The following AGT variants were observed in gnomAD, a reference collection of about 807,000 sequenced individuals.
AGT encodes alpha-1 antiproteinase, antitrypsin.
AGT carries 26 observed loss-of-function variants against 28.1 expected under a neutral mutation model. That is an observed-to-expected ratio of 0.92 (90% confidence interval 0.68 to 1.28). AGT has a LOEUF of 1.28. Among genes scored for constraint, AGT ranks in the 50% most tolerant of loss-of-function variants. The pLI is 0.00. For synonymous variants in AGT, 259 were observed against 259.6 expected, an observed-to-expected ratio of 1.00 and a Z score of 0.02; for missense variants, 596 against 592.3, an observed-to-expected ratio of 1.01 and a Z score of -0.06.
At position 230,703,308 on chromosome 1, in the gene AGT, C is replaced by CA. The variant is rs387906578; in HGVS notation, c.1263dup (p.Glu422Ter). 2.6e-5 allele frequency: 42 copies of CA among 1,613,502 alleles called. No individual in the cohort carries two copies. The highest frequency in any genetic ancestry group is 5.0e-5 in the Admixed American group (3 of 59,956). On this transcript the variant is annotated frameshift_variant, in exon 5 of 5. Transcript: ENST00000366667. LOFTEE classifies it low-confidence loss of function (END_TRUNC). ...GGCTCTCTCTCATCCGCTTCAAGCT[C>CA]AAAAAAAATGCTGTTCAGCACCTGC...
At chr1:230,711,253 CACACAGAGGGAAGACCATGTGGGG>C (rs1053378965) in intron 1 of AGT, among the ~76,000 whole-genome samples, 21 of 152,042 alleles carry the variant, frequency 1.4e-4, no homozygotes, top group African/African-American at 4.1e-4. Context: ...GACATGGACA[CACACAGAGGGAAGACCATGTGGGG>C]ACACAGAGGG....
At position 230,706,009 on chromosome 1, in the gene AGT, C is replaced by T; in HGVS notation, c.1021G>A (p.Ala341Thr). 1 of 1,614,148 alleles carries T rather than the reference C, an allele frequency of 6.2e-7. No individual in the cohort carries two copies. Among genetic ancestry groups the T allele is most frequent in the South Asian group, 1.1e-5 (1 of 91,078 alleles). The change falls in exon 3 of 5, where the codon GCC becomes ACC. Residue 341 changes from alanine (A) to threonine (T), a missense_variant. Transcript: ENST00000366667. ...CCCTCCACCTTGTCCAGGTCAGAGG[C>T]ATAGTGAGGCTGGATCAGCAGCAGG... ...ACLLLIQPHY[A>T]SDLDKVEGLT... is the part of the protein sequence containing the mutation.
At chr1:230,728,532 C>T (rs1663993205) in intron 1 of AGT, among the ~76,000 whole-genome samples, 1 of 152,216 alleles carries the variant, frequency 6.6e-6, no homozygotes, top group African/African-American at 2.4e-5. Flanking sequence ...ATAATTTGCT[C>T]ACCGTTATAA....
At chr1:230,738,769 A>G (rs1664193699) in intron 1 of AGT, among the ~76,000 whole-genome samples, 2 of 152,258 alleles carry the variant, frequency 1.3e-5, no homozygotes, top group Non-Finnish European at 2.9e-5. Context: ...CTTTACCACA[A>G]AAAGATGGGA....
At position 230,710,906 on chromosome 1, in the gene AGT, T is replaced by G; in HGVS notation, c.-30-53A>C. On this transcript the variant is annotated intron_variant, in intron 1 of 4. Coordinates refer to ENST00000366667, the MANE Select transcript of AGT (RefSeq NM_001384479.1). The stretch of plus-strand genomic sequence containing the variant: ...AGGTGGTTATTAACTGACCTTTAAG[T>G]GCCATCTAACCAGATCTTTCATTGT... 12 of 1,585,772 alleles carry G rather than the reference T, an allele frequency of 7.6e-6. 1 individual carries two copies. In the South Asian group the frequency reaches 1.3e-4, roughly 18 times the overall value.
intron 1 of AGT, among the ~76,000 whole-genome samples, chr1:230,743,554 C>T (rs1308728254): frequency 6.6e-6 from 1 of 152,226 alleles, no homozygotes; most frequent in Non-Finnish European, 1.5e-5. Flanking sequence ...CACTCTCCAC[C>T]CTCCTCGCCA....
At chr1:230,719,947 A>G (rs1380930099) in intron 1 of AGT, among the ~76,000 whole-genome samples, 1 of 152,182 alleles carries the variant, frequency 6.6e-6, no homozygotes, top group Non-Finnish European at 1.5e-5. Flanking sequence ...AAAGCTTTCT[A>G]TTGCAACAGG....
At chr1:230,739,246 T>C (rs946755078) in intron 1 of AGT, among the ~76,000 whole-genome samples, 4 of 151,000 alleles carry the variant, frequency 2.6e-5, no homozygotes, top group Non-Finnish European at 5.9e-5. Context: ...TCCCAGCTGC[T>C]CAGGAGGCTG....
At chr1:230,732,380 C>T (rs1664084658) in intron 1 of AGT, among the ~76,000 whole-genome samples, 1 of 151,990 alleles carries the variant, frequency 6.6e-6, no homozygotes, top group African/African-American at 2.4e-5. Context: ...AGGTAGGTCT[C>T]ACAACTCTCT....
upstream of AGT, among the ~76,000 whole-genome samples, chr1:230,716,650 C>T (rs1160963677): frequency 6.6e-6 from 1 of 152,210 alleles, no homozygotes; most frequent in African/African-American, 2.4e-5. Context: ...AACATGCTTT[C>T]TCTCTTTTGC....
chr1:230,738,475 C>T (rs1664190226), intron 1 of AGT, among the ~76,000 whole-genome samples: 1 of 152,094 alleles, frequency 6.6e-6, no homozygotes, highest in South Asian at 2.1e-4. Flanking sequence ...TGTCAGTGGC[C>T]TTATAAATTA....
chr1:230,708,107 C>T (rs1440213540), intron 2 of AGT, among the ~76,000 whole-genome samples: 3 of 152,228 alleles, frequency 2.0e-5, no homozygotes, highest in Admixed American at 1.3e-4. Context: ...GAAGTGGCTG[C>T]CTCCTTTGAC....
At chr1:230,705,747 T>C (rs1663364031) in intron 3 of AGT, among the ~76,000 whole-genome samples, 186 bp downstream of exon 3, 1 of 152,214 alleles carries the variant, frequency 6.6e-6, no homozygotes. Context: ...ACTGGAGAGC[T>C]GGGTGCTGGC....
upstream of AGT, among the ~76,000 whole-genome samples, chr1:230,719,353 T>G (rs1663798621): frequency 6.6e-6 from 1 of 152,028 alleles, no homozygotes; most frequent in South Asian, 2.1e-4. Flanking sequence ...TCTGGGAAAT[T>G]TTGTGATTGC....
chr1:230,721,505 T>G (rs948061154), intron 1 of AGT, among the ~76,000 whole-genome samples: 2 of 152,198 alleles, frequency 1.3e-5, no homozygotes, highest in African/African-American at 4.8e-5. Context: ...TATCAAAAAA[T>G]GTGGAAGTAA....
intron 1 of AGT, among the ~76,000 whole-genome samples, chr1:230,726,556 G>T (rs1257233120): frequency 6.6e-6 from 1 of 151,944 alleles, no homozygotes; most frequent in African/African-American, 2.4e-5. Flanking sequence ...GTGGGAGAGG[G>T]CTCTATTTGG....
upstream of AGT, among the ~76,000 whole-genome samples, chr1:230,716,909 A>C (rs963033664): frequency 2.6e-5 from 4 of 151,930 alleles, no homozygotes; most frequent in African/African-American, 9.7e-5. Context: ...TGGGATATGT[A>C]GGGAAAAAAA....
chr1:230,739,818 A>G (rs1664215087), intron 1 of AGT, among the ~76,000 whole-genome samples: 1 of 151,740 alleles, frequency 6.6e-6, no homozygotes, highest in African/African-American at 2.4e-5. Context: ...GAGGAAGATC[A>G]CTTATTTGGG....
chr1:230,735,741 T>A (rs1664143222), intron 1 of AGT, among the ~76,000 whole-genome samples: 1 of 152,042 alleles, frequency 6.6e-6, no homozygotes. Context: ...GACTGCATCC[T>A]CCCCCATCAG....
Sources: gnomAD v4.1 joint callset for allele counts (sites outside exome capture counted in the v4.1 genomes callset) on GRCh38, gnomAD v4.1.1 for gene constraint, MANE v1.5 for transcripts, NCBI Gene and HGNC (gene_info 2026-07-23, HGNC 2026-07-21) for gene names.